NELL2: variants seen among roughly 807,000 people sequenced by gnomAD.
The protein encoded by NELL2 is protein kinase C-binding protein NELL2.
Under a neutral mutation model 109.6 loss-of-function variants are expected in NELL2, and 41 were observed. The observed-to-expected ratio is 0.37, with a 90% confidence interval of 0.29 to 0.49. The LOEUF (loss-of-function observed/expected upper bound fraction) is 0.49, where lower values mean the gene tolerates loss of function less well. Ranked by LOEUF, NELL2 falls within the 20% of genes least tolerant of loss-of-function variation. NELL2 has a pLI of 0.98. For synonymous variants in NELL2, 355 were observed against 344.7 expected, an observed-to-expected ratio of 1.03 and a Z score of -0.33; for missense variants, 900 against 1,008.3, an observed-to-expected ratio of 0.89 and a Z score of 1.45.
chr12:44,876,716 G>C (rs978014893), upstream of NELL2: 1 of 1,547,298 alleles, frequency 6.5e-7, no homozygotes, highest in South Asian at 1.2e-5. Context: ...AGCAAAGGAG[G>C]GAAGCCCATG....
intron 12 of NELL2, among the ~76,000 whole-genome samples, chr12:44,681,006 C>A (rs1033375542): frequency 1.3e-5 from 2 of 151,374 alleles, no homozygotes; most frequent in East Asian, 3.9e-4. Context: ...TTTCTTTGTG[C>A]AATTCTTTTT....
At chr12:44,884,694 TACA>T (rs766128214) in intron 1 of NELL2, among the ~76,000 whole-genome samples, 11 of 151,994 alleles carry the variant, frequency 7.2e-5, no homozygotes, top group Non-Finnish European at 1.5e-4. Flanking sequence ...GATAATAAAC[TACA>T]ACAAGGTGGG....
chr12:44,757,418 C>T (rs1292788550), intron 9 of NELL2, among the ~76,000 whole-genome samples: 1 of 152,042 alleles, frequency 6.6e-6, no homozygotes, highest in Non-Finnish European at 1.5e-5. Flanking sequence ...GGATAAATAT[C>T]GAAGTCTTTT....
chr12:44,547,129 TATC>T (rs1174771670), intron 15 of NELL2, among the ~76,000 whole-genome samples: 1 of 152,190 alleles, frequency 6.6e-6, no homozygotes, highest in East Asian at 1.9e-4. Flanking sequence ...TGGCAGAACA[TATC>T]ATCCTGCTAC....
At chr12:44,611,260 C>T (rs1945611334) in intron 13 of NELL2, among the ~76,000 whole-genome samples, 1 of 152,022 alleles carries the variant, frequency 6.6e-6, no homozygotes, top group African/African-American at 2.4e-5. Context: ...TAGAAGTAGA[C>T]TACAAAGTCA....
chr12:44,558,741 G>A (rs959381708), intron 15 of NELL2, among the ~76,000 whole-genome samples: 9 of 152,274 alleles, frequency 5.9e-5, no homozygotes, highest in South Asian at 2.1e-4. Flanking sequence ...GCGCAAAACC[G>A]AGCGGTTGTT....
chr12:44,710,908 A>G (rs1452217737), intron 11 of NELL2, among the ~76,000 whole-genome samples: 3 of 152,140 alleles, frequency 2.0e-5, no homozygotes, highest in Admixed American at 6.6e-5. Context: ...GAAGCTGAGG[A>G]GAAATGAAAA....
intron 13 of NELL2, among the ~76,000 whole-genome samples, chr12:44,632,677 T>C (rs1946498453): frequency 6.6e-6 from 1 of 152,074 alleles, no homozygotes; most frequent in Non-Finnish European, 1.5e-5. Flanking sequence ...ATTTAATTAA[T>C]GGCATTGACA....
At chr12:44,550,092 T>C (rs1942970103) in intron 15 of NELL2, among the ~76,000 whole-genome samples, 1 of 151,938 alleles carries the variant, frequency 6.6e-6, no homozygotes, top group Non-Finnish European at 1.5e-5. Flanking sequence ...AACCCACACA[T>C]ACATGGTCAA....
rs373831319 is a variant in NELL2, at chr12:44,828,753, A to C, written c.185-12617T>G. ...CTACAAATAATATAATGTCTCTATG[A>C]TTTGGAACTTAAAATTAAAGTATTA... On this transcript the variant is annotated intron_variant, in intron 2 of 19. Transcript: ENST00000429094. Among the ~76,000 whole-genome samples the C allele has an allele frequency of 1.0e-3, 154 of 152,286 alleles. 2 individuals are homozygous for C. The South Asian group carries it at 0.019, about 19-fold the overall frequency.
chr12:44,876,860 G>C (rs1945342936), upstream of NELL2: 2 of 1,305,792 alleles, frequency 1.5e-6, no homozygotes, highest in Non-Finnish European at 2.0e-6. Flanking sequence ...GACTGGTGGG[G>C]ACGGATGGCG....
intron 2 of NELL2, among the ~76,000 whole-genome samples, chr12:44,837,484 A>G (rs938278944): frequency 6.6e-6 from 1 of 152,154 alleles, no homozygotes; most frequent in Non-Finnish European, 1.5e-5. Context: ...ACTTGAGCCC[A>G]GGTAGTCTAC....
intron 2 of NELL2, among the ~76,000 whole-genome samples, chr12:44,847,750 G>GAGCT (rs1040072666): frequency 1.3e-5 from 2 of 151,976 alleles, no homozygotes; most frequent in African/African-American, 4.8e-5. Context: ...TGGAGAGAGG[G>GAGCT]AGCTGTATTA....
intron 12 of NELL2, among the ~76,000 whole-genome samples, chr12:44,693,448 C>T (rs1034965967): frequency 2.0e-5 from 3 of 152,124 alleles, no homozygotes; most frequent in Non-Finnish European, 2.9e-5. Flanking sequence ...GCAATATCTC[C>T]AAGGTATGCC....
intron 13 of NELL2, among the ~76,000 whole-genome samples, chr12:44,637,211 T>C (rs910106850): frequency 4.6e-5 from 7 of 151,902 alleles, no homozygotes; most frequent in African/African-American, 1.5e-4. Context: ...CCTAGATTCA[T>C]TGATTTTTGA....
chr12:44,704,871 T>C (rs1188551052), intron 11 of NELL2, among the ~76,000 whole-genome samples: 2 of 151,912 alleles, frequency 1.3e-5, no homozygotes, highest in Non-Finnish European at 2.9e-5. Flanking sequence ...ATATAAAAAT[T>C]ATCTGGGCAT....
chr12:44,844,549 C>T (rs1944318313), intron 2 of NELL2, among the ~76,000 whole-genome samples: 1 of 152,142 alleles, frequency 6.6e-6, no homozygotes, highest in Non-Finnish European at 1.5e-5. Context: ...GGAGGAGTGG[C>T]AGGGTCACCT....
chr12:44,675,787 T>C (rs1348763189), intron 12 of NELL2, among the ~76,000 whole-genome samples: 1 of 152,110 alleles, frequency 6.6e-6, no homozygotes, highest in African/African-American at 2.4e-5. Context: ...GAATCAGATC[T>C]GTGTTTTTGG....
intron 9 of NELL2, among the ~76,000 whole-genome samples, chr12:44,726,655 C>T (rs535475751): frequency 6.6e-6 from 1 of 152,132 alleles, no homozygotes; most frequent in South Asian, 2.1e-4. Context: ...ATTGCAATTG[C>T]TTTCAAATGC....
Sources: gnomAD v4.1 joint callset for allele counts (sites outside exome capture counted in the v4.1 genomes callset) on GRCh38, gnomAD v4.1.1 for gene constraint, MANE v1.5 for transcripts, NCBI Gene and HGNC (gene_info 2026-07-23, HGNC 2026-07-21) for gene names.